CACNA1E: variants seen among roughly 807,000 people sequenced by gnomAD.
The protein encoded by CACNA1E is voltage-dependent R-type calcium channel subunit alpha-1E.
Under a neutral mutation model 259.2 loss-of-function variants are expected in CACNA1E, and 40 were observed. The observed-to-expected ratio is 0.15, with a 90% CI of 0.12 to 0.20. CACNA1E has a LOEUF of 0.20. Ranked by LOEUF, CACNA1E falls within the 10% of genes least tolerant of loss-of-function variation. The pLI is 1.00. For synonymous variants in CACNA1E, 1,104 were observed against 1,138.5 expected, an observed-to-expected ratio of 0.97 and a Z score of 0.61; for missense variants, 1,874 against 3,040.1, an observed-to-expected ratio of 0.62 and a Z score of 9.02.
intron 22 of CACNA1E, 37 bp from the exon 23 acceptor site, chr1:181,737,488 G>A (rs1264404056): frequency 6.2e-7 from 1 of 1,611,094 alleles, no homozygotes; most frequent in African/African-American, 1.3e-5. Flanking sequence ...GGGCGTGGTG[G>A]GGAGTGGGCC....
intron 2 of CACNA1E, among the ~76,000 whole-genome samples, chr1:181,428,757 G>C (rs1659491374): frequency 6.6e-6 from 1 of 152,188 alleles, no homozygotes; most frequent in Non-Finnish European, 1.5e-5. Flanking sequence ...CTGACCCCAG[G>C]AAGACTGATT....
At chr1:181,318,702 G>C (rs959422656) in intron 1 of CACNA1E, among the ~76,000 whole-genome samples, 3 of 152,224 alleles carry the variant, frequency 2.0e-5, no homozygotes, top group African/African-American at 7.2e-5. Flanking sequence ...CGAAGTTTCC[G>C]TGAAGGAAAC....
intron 7 of CACNA1E, among the ~76,000 whole-genome samples, chr1:181,686,275 G>GTTTTTTTTTTTTTTTTTTTTTTT (rs66526388): frequency 1.7e-5 from 1 of 58,634 alleles, no homozygotes; most frequent in African/African-American, 6.2e-5. Flanking sequence ...TAAGAACCAA[G>GTTTTTTTTTTTTTTTTTTTTTTT]TTTTTTTTTT....
chr1:181,736,508 G>A, intron 22 of CACNA1E, 74 bp downstream of exon 22: 1 of 1,359,562 alleles, frequency 7.4e-7, no homozygotes, highest in Non-Finnish European at 1.0e-6. Flanking sequence ...CAGGGTGAAG[G>A]GGAGAGGAAG....
At chr1:181,665,156 TACAC>T (rs10603505) in intron 7 of CACNA1E, among the ~76,000 whole-genome samples, 64 of 149,830 alleles carry the variant, frequency 4.3e-4, no homozygotes, top group South Asian at 1.5e-3. Context: ...TATATACCTA[TACAC>T]ACACACACAC....
At chr1:181,555,813 A>G (rs983113554) in intron 3 of CACNA1E, among the ~76,000 whole-genome samples, 1 of 152,234 alleles carries the variant, frequency 6.6e-6, no homozygotes, top group Non-Finnish European at 1.5e-5. Flanking sequence ...GAATGACTGA[A>G]TAAGTGAAGG....
At chr1:181,537,650 C>G (rs542152945) in intron 3 of CACNA1E, among the ~76,000 whole-genome samples, 1 of 152,090 alleles carries the variant, frequency 6.6e-6, no homozygotes, top group Non-Finnish European at 1.5e-5. Context: ...ACTTCACATT[C>G]AAAATGAGGT....
chr1:181,740,522 G>A (rs1427351113), intron 25 of CACNA1E, among the ~76,000 whole-genome samples: 3 of 152,114 alleles, frequency 2.0e-5, no homozygotes, highest in Admixed American at 6.5e-5. Flanking sequence ...TGGTGGGGGT[G>A]GGGATAGTGG....
chr1:181,477,682 T>A (rs1391332188), intron 2 of CACNA1E, among the ~76,000 whole-genome samples: 1 of 152,194 alleles, frequency 6.6e-6, no homozygotes. Flanking sequence ...AGTGTGTTCA[T>A]CCCTGGCTGC....
chr1:181,483,502 T>G, upstream of CACNA1E: 4 of 142,882 alleles, frequency 2.8e-5, no homozygotes, highest in East Asian at 2.0e-4. Flanking sequence ...TTCTTTTTTC[T>G]TTTTTTTTTT....
intron 24 of CACNA1E, among the ~76,000 whole-genome samples, chr1:181,738,682 G>A (rs747369857): frequency 1.3e-5 from 2 of 152,226 alleles, no homozygotes; most frequent in Non-Finnish European, 2.9e-5. Flanking sequence ...TGTGCAGACA[G>A]GGTTGGGGCC....
chr1:181,478,788 GA>G (rs1558035328), upstream of CACNA1E, among the ~76,000 whole-genome samples: 1 of 152,236 alleles, frequency 6.6e-6, no homozygotes, highest in Non-Finnish European at 1.5e-5. Context: ...GCTTAAGAAT[GA>G]GGGTAATAGG....
chr1:181,797,793 T>C (rs1661943734), intron 47 of CACNA1E, among the ~76,000 whole-genome samples: 1 of 152,218 alleles, frequency 6.6e-6, no homozygotes, highest in East Asian at 1.9e-4. Context: ...GTACAGAAGC[T>C]GAGTTCAGCA....
rs1191540109 is a variant in CACNA1E, at chr1:181,643,574, C to T, written c.952-7764C>T. ...TGCCCACATCTGGGGTGGGCCATGCCAGCCCTTGCAGCTGACCGGCCAGAG... is the reference window on the plus strand; with the variant it reads ...TGCCCACATCTGGGGTGGGCCATGCTAGCCCTTGCAGCTGACCGGCCAGAG... On this transcript the variant is annotated intron_variant, in intron 6 of 47. Transcript: ENST00000367573. 3.9e-5 allele frequency among the ~76,000 whole-genome samples: 6 copies of T among 152,252 alleles called. No homozygotes were observed. The East Asian group carries it at 1.2e-3, about 29-fold the overall frequency.
chr1:181,628,789 A>C (rs1233786547), intron 6 of CACNA1E, among the ~76,000 whole-genome samples: 1 of 152,136 alleles, frequency 6.6e-6, no homozygotes, highest in Non-Finnish European at 1.5e-5. Context: ...TTTCTCCTTC[A>C]TTAACTTTCC....
At chr1:181,771,713 G>T (rs1659533607) in intron 36 of CACNA1E, 1 of 461,982 alleles carries the variant, frequency 2.2e-6, no homozygotes, top group African/African-American at 1.9e-5. Context: ...CTTCAACATG[G>T]CCTGCAAGGG....
intron 3 of CACNA1E, among the ~76,000 whole-genome samples, chr1:181,562,318 C>A (rs1649408315): frequency 6.6e-6 from 1 of 152,144 alleles, no homozygotes; most frequent in Non-Finnish European, 1.5e-5. Context: ...CTACTGGTGG[C>A]AGTTTAATAG....
At chr1:181,752,622 G>GC (rs1657693945) in intron 27 of CACNA1E, among the ~76,000 whole-genome samples, 1 of 152,128 alleles carries the variant, frequency 6.6e-6, no homozygotes, top group Non-Finnish European at 1.5e-5. Flanking sequence ...ATTTTTTAAG[G>GC]CCGAGTATCC....
rs750597963 is a variant in CACNA1E, at chr1:181,757,105, G to A, written c.4308G>A (p.Glu1436=). 1 of 1,613,664 alleles carries A rather than the reference G, an allele frequency of 6.2e-7. No homozygotes were observed. The highest frequency in any genetic ancestry group is 8.5e-7 in the Non-Finnish European group (1 of 1,179,606). The change falls in exon 30 of 48, where the codon GAG becomes GAA. Residue 1436 remains glutamate, a synonymous_variant. Transcript: ENST00000367573. The stretch of plus-strand genomic sequence containing the variant: ...AGCAAGGGGATAAGATGATGGAGGA[G>A]TGCAGCCTGGAGAAGAATGAGGTAA... ...FQEQGDKMME[E]CSLEKNERAC... is the part of the protein sequence containing the mutation.
Sources: gnomAD v4.1 joint callset for allele counts (sites outside exome capture counted in the v4.1 genomes callset) on GRCh38, gnomAD v4.1.1 for gene constraint, MANE v1.5 for transcripts, NCBI Gene and HGNC (gene_info 2026-07-23, HGNC 2026-07-21) for gene names.